Variants in CALD1 observed in about 807,000 individuals in gnomAD.
The protein encoded by CALD1 is caldesmon 1, also known as caldesmon.
In CALD1, 33 loss-of-function variants were observed where a neutral mutation model predicts 99.9. The observed-to-expected ratio is 0.33, with a 90% CI of 0.25 to 0.44. The LOEUF (loss-of-function observed/expected upper bound fraction) is 0.44. CALD1 is among the 20% of genes least tolerant of loss of function. The pLI is 1.00. For missense variants in CALD1, 861 were observed against 962.1 expected (o/e 0.89, Z 1.39); for synonymous variants, 310 against 325.0 (o/e 0.95, Z 0.50).
chr7:134,722,944 C>G, the CALD1 span, among the ~76,000 whole-genome samples: 1 of 152,146 alleles, frequency 6.6e-6, no homozygotes, highest in Admixed American at 6.5e-5. Context: ...TCAGAGAGCC[C>G]AGCTGCTCTA....
At chr7:134,890,077 T>C (rs923183135) in intron 3 of CALD1, among the ~76,000 whole-genome samples, 1 of 151,896 alleles carries the variant, frequency 6.6e-6, no homozygotes, top group Non-Finnish European at 1.5e-5. Context: ...CCCGGGTAAT[T>C]TTTGTATTTT....
chr7:134,905,738 C>T (rs1803321846), intron 3 of CALD1, among the ~76,000 whole-genome samples: 1 of 151,860 alleles, frequency 6.6e-6, no homozygotes, highest in Non-Finnish European at 1.5e-5. Context: ...ATATCTAGCC[C>T]AGGGGTCTAA....
At position 134,947,537 on chromosome 7, in the gene CALD1, C is replaced by G. The variant is rs904936736; in HGVS notation, c.1562C>G (p.Thr521Ser). The G allele has an allele frequency of 2.8e-5, 44 of 1,566,924 alleles. No homozygotes were observed. Among genetic ancestry groups the G allele is most frequent in the Non-Finnish European group, 3.3e-5 (38 of 1,155,588 alleles). The change falls in exon 8 of 15, where the codon ACC (threonine) becomes AGC (serine). Residue 521 changes from threonine (T) to serine (S), a missense_variant. Physicochemically the swap from Thr to Ser is moderately conservative, Grantham distance 58. Coordinates refer to ENST00000361675, the MANE Select transcript of CALD1 (RefSeq NM_033138.4). ...CCTGGAGGGAGGGCCAGCGTGGACA[C>G]CAAGGAGGCTGAGGGCGCCCCCCAG... ...SRPGGRASVD[T>S]KEAEGAPQVE...
At chr7:134,792,299 T>A (rs1797569236) in intron 1 of CALD1, among the ~76,000 whole-genome samples, 1 of 150,424 alleles carries the variant, frequency 6.6e-6, no homozygotes, top group South Asian at 2.1e-4. Flanking sequence ...TTTTTTTTTT[T>A]TTTTTTTGAG....
the CALD1 span, among the ~76,000 whole-genome samples, chr7:134,738,647 T>C: frequency 3.3e-5 from 5 of 152,214 alleles, no homozygotes; most frequent in Non-Finnish European, 7.3e-5. Context: ...GTCTGGTATA[T>C]AAAACTGTCA....
the CALD1 span, among the ~76,000 whole-genome samples, chr7:134,733,844 G>A: frequency 9.3e-6 from 1 of 107,762 alleles, no homozygotes; most frequent in African/African-American, 3.5e-5. Flanking sequence ...AAACAAAATA[G>A]GTCTGCTAAA....
At chr7:134,884,034 G>A (rs750176683) in intron 3 of CALD1, among the ~76,000 whole-genome samples, 5 of 152,024 alleles carry the variant, frequency 3.3e-5, no homozygotes, top group African/African-American at 7.2e-5. Context: ...CCTAGGAAGC[G>A]GAGGTTGCAG....
At chr7:134,791,634 G>A (rs986434409) in intron 1 of CALD1, among the ~76,000 whole-genome samples, 12 of 152,032 alleles carry the variant, frequency 7.9e-5, no homozygotes, top group African/African-American at 2.9e-4. Context: ...AATCCGAAGA[G>A]GCATCACTTA....
intron 2 of CALD1, among the ~76,000 whole-genome samples, chr7:134,847,678 C>T (rs1470976035): frequency 1.3e-5 from 2 of 152,160 alleles, no homozygotes; most frequent in South Asian, 2.1e-4. Flanking sequence ...AACGTGTTTC[C>T]CCGGCCAGGG....
chr7:134,928,498 T>A (rs1243342840), intron 3 of CALD1, among the ~76,000 whole-genome samples: 1 of 149,368 alleles, frequency 6.7e-6, no homozygotes, highest in Admixed American at 6.7e-5. Context: ...TTGTGCAGAA[T>A]GTTTTAGTTT....
intron 1 of CALD1, among the ~76,000 whole-genome samples, chr7:134,791,387 G>A (rs1359606497): frequency 2.0e-5 from 3 of 152,052 alleles, no homozygotes; most frequent in East Asian, 1.9e-4. Context: ...TAGTAGAGAC[G>A]GGGTTTCACT....
At chr7:134,854,663 G>A (rs557491096) in intron 2 of CALD1, among the ~76,000 whole-genome samples, 16 of 152,232 alleles carry the variant, frequency 1.1e-4, no homozygotes, top group East Asian at 1.9e-4. Context: ...TAGCTGGCCC[G>A]GATTAATGTC....
chr7:134,802,469 A>G (rs943720500), intron 1 of CALD1, among the ~76,000 whole-genome samples: 21 of 152,200 alleles, frequency 1.4e-4, no homozygotes, highest in Non-Finnish European at 2.6e-4. Context: ...CCATTGTCCT[A>G]TTAATGGTCA....
intron 1 of CALD1, among the ~76,000 whole-genome samples, chr7:134,791,262 T>C (rs1370573294): frequency 6.6e-6 from 1 of 152,244 alleles, no homozygotes; most frequent in Non-Finnish European, 1.5e-5. Context: ...AGTGGCACGA[T>C]CTCGGCTCAC....
Position 134,783,118 on chromosome 7 carries a change from C to T in CALD1, c.-130+3369C>T, listed in dbSNP as rs547512165. Reference sequence around the variant, plus strand: ...CAAAAGCATGGAATGAACCCCGGAACGTCATGCCTGGGCCTTGTAGGAAGG... The same window carrying T: ...CAAAAGCATGGAATGAACCCCGGAATGTCATGCCTGGGCCTTGTAGGAAGG... On this transcript the variant is annotated intron_variant, in intron 1 of 14. Coordinates refer to ENST00000361675, the MANE Select transcript of CALD1 (RefSeq NM_033138.4). This position sits in a 1 kb window ranked among gnomAD's most constrained non-coding sequence, Gnocchi z 4.3. Among the ~76,000 whole-genome samples, 4 of 152,286 alleles carry T rather than the reference C, an allele frequency of 2.6e-5. No individual in the cohort carries two copies. Among genetic ancestry groups the T allele is most frequent in the South Asian group, 2.1e-4 (1 of 4,832 alleles).
chr7:134,816,550 CCT>C (rs533896162), intron 1 of CALD1, among the ~76,000 whole-genome samples: 97 of 152,246 alleles, frequency 6.4e-4, no homozygotes, highest in African/African-American at 2.1e-3. Context: ...CTGAATAGCC[CCT>C]TTCTCTTCAG....
intron 1 of CALD1, among the ~76,000 whole-genome samples, chr7:134,826,553 T>A (rs1460090736): frequency 6.6e-6 from 1 of 152,176 alleles, no homozygotes; most frequent in African/African-American, 2.4e-5. Context: ...AAGTTAGTAG[T>A]GTCACCATGA....
chr7:134,895,325 T>TGTGC (rs1437416147), intron 3 of CALD1, among the ~76,000 whole-genome samples: 1 of 151,474 alleles, frequency 6.6e-6, no homozygotes, highest in African/African-American at 2.4e-5. Flanking sequence ...TGTGTGTGTG[T>TGTGC]GTGTGTGTGT....
At position 134,885,122 on chromosome 7, in the gene CALD1, G is replaced by A. The variant is rs562364523; in HGVS notation, c.71+17318G>A. On this transcript the variant is annotated intron_variant, in intron 3 of 14. Transcript: ENST00000361675. ...TAACTTTTGTACTTTTAACAGAGAC[G>A]GGGTTTCACTATGTTGGCCAGTCTG... Among the ~76,000 whole-genome samples, 6 of 151,984 alleles carry A rather than the reference G, an allele frequency of 3.9e-5. 1 individual carries two copies. Among genetic ancestry groups the A allele is most frequent in the South Asian group, 4.2e-4 (2 of 4,804 alleles).
Sources: allele counts gnomAD v4.1 joint callset (sites outside exome capture counted in the v4.1 genomes callset), GRCh38; gene constraint gnomAD v4.1.1; non-coding constraint Gnocchi (gnomAD v3.1); transcripts MANE v1.5; gene names NCBI Gene and HGNC (gene_info 2026-07-23, HGNC 2026-07-21).